PSD3: variants seen among roughly 807,000 people sequenced by gnomAD.
PSD3 encodes the protein pleckstrin and Sec7 domain containing 3, also known as PH and SEC7 domain-containing protein 3.
In PSD3, 49 loss-of-function variants were observed where a neutral mutation model predicts 105.5. The ratio of observed to expected loss-of-function variants is 0.46; its 90% CI spans 0.37 to 0.59. PSD3 has a LOEUF of 0.59. Ranked by LOEUF, PSD3 falls within the 20% of genes least tolerant of loss-of-function variation. The pLI, the probability that PSD3 is intolerant of heterozygous loss-of-function variation, is 0.00. For synonymous variants in PSD3, 557 were observed against 457.8 expected (o/e 1.22, Z -2.77); for missense variants, 1,561 against 1,263.8 (o/e 1.24, Z -3.57).
intron 9 of PSD3, among the ~76,000 whole-genome samples, chr8:18,758,414 C>CTT (rs143280710): frequency 0.014 from 1,856 of 135,094 alleles, 43 homozygotes; most frequent in African/African-American, 0.044. Context: ...CAGTTTTACT[C>CTT]TTTTTTTTTT....
upstream of PSD3, chr8:19,014,332 C>G (rs1254276580): frequency 3.3e-5 from 5 of 152,422 alleles, no homozygotes. The surrounding 1 kb of genome is among the most constrained non-coding windows in gnomAD (Gnocchi z 4.9). Context: ...CCATTTCCCC[C>G]TGAGGCGAGT....
intron 15 of PSD3, 87 bp downstream of exon 15, chr8:18,556,122 T>C (rs1208205641): frequency 1.4e-6 from 2 of 1,468,678 alleles, no homozygotes; most frequent in South Asian, 2.8e-5. Context: ...CCTCTCTCAG[T>C]GACACTGCAA....
chr8:18,681,617 CAT>C lies in PSD3; in HGVS notation c.2173-25934_2173-25933del, dbSNP rs754552276. Among the ~76,000 whole-genome samples, 66 of 152,082 alleles carry C rather than the reference CAT, an allele frequency of 4.3e-4. 1 individual carries two copies. Among genetic ancestry groups the C allele is most frequent in the Non-Finnish European group, 6.8e-4 (46 of 68,004 alleles). On this transcript the variant is annotated intron_variant, in intron 9 of 15. Coordinates refer to ENST00000327040, the MANE Select transcript of PSD3 (RefSeq NM_015310.4). Reference sequence around the variant, plus strand: ...GTGATGCTTAAATCAACATTTTACACATGTCTATTATAGTATAATTAAGTTCA... The same window carrying C: ...GTGATGCTTAAATCAACATTTTACACGTCTATTATAGTATAATTAAGTTCA...
At chr8:18,634,381 A>G (rs903782230) in intron 10 of PSD3, among the ~76,000 whole-genome samples, 9 of 152,144 alleles carry the variant, frequency 5.9e-5, no homozygotes. Context: ...TGTGAAGGAC[A>G]GGATTCCCCT....
At chr8:18,973,706 T>C (rs1824776367) in intron 1 of PSD3, among the ~76,000 whole-genome samples, 1 of 152,214 alleles carries the variant, frequency 6.6e-6, no homozygotes, top group Admixed American at 6.5e-5. Flanking sequence ...CTGAAAAGGA[T>C]ACCAATTGGA....
chr8:18,680,922 C>A (rs1800350569), intron 9 of PSD3, among the ~76,000 whole-genome samples: 1 of 152,030 alleles, frequency 6.6e-6, no homozygotes, highest in African/African-American at 2.4e-5. Context: ...TCCTTTAACA[C>A]TTTTTTTCAA....
At chr8:19,014,582 G>A (rs1827114776), upstream of PSD3, 1 of 152,342 alleles carries the variant, frequency 6.6e-6, no homozygotes, top group African/African-American at 2.4e-5. The surrounding 1 kb of genome is among the most constrained non-coding windows in gnomAD (Gnocchi z 4.9). Flanking sequence ...CCAAGCACCT[G>A]GAGGCGGAAC....
intron 14 of PSD3, among the ~76,000 whole-genome samples, chr8:18,571,933 A>G (rs1374964401): frequency 6.6e-6 from 1 of 152,212 alleles, no homozygotes; most frequent in Admixed American, 6.5e-5. Flanking sequence ...TAAGTGAAAA[A>G]GGACATGATA....
intron 14 of PSD3, among the ~76,000 whole-genome samples, chr8:18,564,399 C>G (rs531919729): frequency 6.6e-6 from 1 of 151,992 alleles, no homozygotes; most frequent in Non-Finnish European, 1.5e-5. Flanking sequence ...GAGGCCGATG[C>G]GGGCGGATCA....
At chr8:19,036,926 C>G (rs752615085) in intron 1 of PSD3, among the ~76,000 whole-genome samples, 3 of 152,106 alleles carry the variant, frequency 2.0e-5, no homozygotes, top group Non-Finnish European at 4.4e-5. Flanking sequence ...TCTGAATATC[C>G]TGTGTATCCA....
At chr8:18,589,784 A>C (rs1261574891) in intron 12 of PSD3, among the ~76,000 whole-genome samples, 1 of 152,162 alleles carries the variant, frequency 6.6e-6, no homozygotes, top group Non-Finnish European at 1.5e-5. Flanking sequence ...CAAAAAGAAA[A>C]GACAAAGAAA....
chr8:18,709,075 G>T (rs568672753), intron 9 of PSD3, among the ~76,000 whole-genome samples: 2 of 152,138 alleles, frequency 1.3e-5, no homozygotes, highest in Admixed American at 1.3e-4. Flanking sequence ...TGTGGACAGC[G>T]GTAGCAGGCT....
intron 9 of PSD3, among the ~76,000 whole-genome samples, chr8:18,716,835 C>A (rs1363624390): frequency 1.3e-5 from 2 of 152,024 alleles, no homozygotes; most frequent in African/African-American, 2.4e-5. Context: ...TAAAAAAGGC[C>A]TAAAAGGTAA....
intron 10 of PSD3, among the ~76,000 whole-genome samples, chr8:18,638,549 C>CA (rs34784243): frequency 1.3e-4 from 19 of 148,550 alleles, no homozygotes; most frequent in East Asian, 5.9e-4. Flanking sequence ...AACAAACAAA[C>CA]AAAAAAAAAC....
At chr8:18,776,498 C>T (rs903771152) in intron 8 of PSD3, among the ~76,000 whole-genome samples, 1 of 151,802 alleles carries the variant, frequency 6.6e-6, no homozygotes, top group Non-Finnish European at 1.5e-5. Flanking sequence ...ATTCGTCTGC[C>T]TCAGCTTCCC....
intron 9 of PSD3, among the ~76,000 whole-genome samples, chr8:18,657,982 A>G (rs1348480007): frequency 6.6e-6 from 1 of 152,220 alleles, no homozygotes; most frequent in Non-Finnish European, 1.5e-5. Context: ...TTTTCCCTCA[A>G]GAATATTTTG....
At chr8:18,634,723 C>G (rs150114087) in intron 10 of PSD3, among the ~76,000 whole-genome samples, 1 of 152,044 alleles carries the variant, frequency 6.6e-6, no homozygotes, top group Non-Finnish European at 1.5e-5. Flanking sequence ...ACTGGATAGA[C>G]GTTATGCATT....
intron 1 of PSD3, among the ~76,000 whole-genome samples, chr8:18,971,412 A>C (rs977213651): frequency 2.0e-5 from 3 of 152,150 alleles, no homozygotes; most frequent in Non-Finnish European, 4.4e-5. Flanking sequence ...TACTGTCATG[A>C]GGACAATACC....
intron 9 of PSD3, among the ~76,000 whole-genome samples, chr8:18,661,687 G>T (rs1809359785): frequency 6.6e-6 from 1 of 152,126 alleles, no homozygotes; most frequent in Admixed American, 6.6e-5. Flanking sequence ...ATAGGTGAGG[G>T]TTATGACTTT....
Sources: gnomAD v4.1 joint callset for allele counts (sites outside exome capture counted in the v4.1 genomes callset) on GRCh38, gnomAD v4.1.1 for gene constraint, Gnocchi (gnomAD v3.1) non-coding constraint, MANE v1.5 for transcripts, NCBI Gene and HGNC (gene_info 2026-07-23, HGNC 2026-07-21) for gene names.